PTPRE: variants seen among roughly 807,000 people sequenced by gnomAD.
PTPRE encodes protein tyrosine phosphatase receptor type E.
In PTPRE, 51 loss-of-function variants were observed where a neutral mutation model predicts 102.0. That is an observed-to-expected ratio of 0.50 (90% confidence interval 0.40 to 0.63). The LOEUF is 0.63. Among genes scored for constraint, PTPRE ranks in the 30% least tolerant of loss-of-function variants. The probability of loss-of-function intolerance (pLI) is 0.00; values close to 1 mark genes in which losing one functional copy is unlikely to be tolerated. For synonymous variants in PTPRE, 345 were observed against 348.2 expected (o/e 0.99, Z 0.10); for missense variants, 752 against 915.1 (o/e 0.82, Z 2.30).
intron 1 of PTPRE, among the ~76,000 whole-genome samples, chr10:127,961,782 C>T (rs2135390865): frequency 6.6e-6 from 1 of 152,292 alleles, no homozygotes; most frequent in African/African-American, 2.4e-5. Flanking sequence ...CCTGTCTCCC[C>T]CACAAGACTG....
intron 3 of PTPRE, 52 bp downstream of exon 3, chr10:128,041,042 T>C: frequency 6.7e-7 from 1 of 1,496,782 alleles, no homozygotes; most frequent in Non-Finnish European, 9.3e-7. Flanking sequence ...CCTAAGCTCC[T>C]GGGACCATTC....
rs1337594227 is a variant in PTPRE, at chr10:128,008,222, C to T, written c.-8+25926C>T. Among the ~76,000 whole-genome samples the T allele has an allele frequency of 1.3e-5, 2 of 152,014 alleles. No individual in the cohort carries two copies. The highest frequency in any genetic ancestry group is 2.9e-5 in the Non-Finnish European group (2 of 67,984). ...GCAGCCCCGCTGGCTCGTCCGCCCT[C>T]GCCTCCCTCCCTCCCTTTCACCCTC... On this transcript the variant is annotated intron_variant, in intron 2 of 20. Transcript: ENST00000254667. This position sits in a 1 kb window ranked among gnomAD's most constrained non-coding sequence, Gnocchi z 4.0.
At chr10:127,957,692 CCT>C (rs1849505210) in intron 1 of PTPRE, among the ~76,000 whole-genome samples, 2 of 152,250 alleles carry the variant, frequency 1.3e-5, no homozygotes, top group Non-Finnish European at 2.9e-5. Flanking sequence ...GAGTCTTTTG[CCT>C]CTCTGTATAA....
At chr10:127,954,538 G>A (rs1228444043) in intron 1 of PTPRE, among the ~76,000 whole-genome samples, 1 of 152,198 alleles carries the variant, frequency 6.6e-6, no homozygotes, top group Non-Finnish European at 1.5e-5. Flanking sequence ...CAAAGCCAAA[G>A]AAGTGCAGCA....
rs1245856434 is a variant in PTPRE, at chr10:128,008,212, C to G, written c.-8+25916C>G. On this transcript the variant is annotated intron_variant, in intron 2 of 20. Coordinates refer to ENST00000254667, the MANE Select transcript of PTPRE (RefSeq NM_006504.6). This position sits in a 1 kb window ranked among gnomAD's most constrained non-coding sequence, Gnocchi z 4.0. The stretch of plus-strand genomic sequence containing the variant: ...ATCTCTGTCTGCAGCCCCGCTGGCT[C>G]GTCCGCCCTCGCCTCCCTCCCTCCC... Among the ~76,000 whole-genome samples, 1 of 152,040 alleles carries G rather than the reference C, an allele frequency of 6.6e-6. No homozygotes were observed. Among genetic ancestry groups the G allele is most frequent in the Non-Finnish European group, 1.5e-5 (1 of 67,982 alleles).
At chr10:128,023,235 A>G (rs2135702883) in intron 2 of PTPRE, among the ~76,000 whole-genome samples, 1 of 152,256 alleles carries the variant, frequency 6.6e-6, no homozygotes, top group East Asian at 1.9e-4. Context: ...GTAGGTATAC[A>G]TGTATAGGAA....
At chr10:128,011,802 C>T (rs2135619893) in intron 2 of PTPRE, among the ~76,000 whole-genome samples, 1 of 152,340 alleles carries the variant, frequency 6.6e-6, no homozygotes, top group Admixed American at 6.5e-5. Flanking sequence ...CTGTGGGTGC[C>T]TCACACGTGC....
chr10:127,945,645 T>TGTGA (rs1206204751), intron 1 of PTPRE, among the ~76,000 whole-genome samples: 2 of 152,146 alleles, frequency 1.3e-5, no homozygotes, highest in Non-Finnish European at 2.9e-5. Context: ...CAGAGAGGCC[T>TGTGA]GTGAGTGTGA....
intron 4 of PTPRE, 98 bp from the exon 5 acceptor site, chr10:128,047,666 C>G (rs1404502338): frequency 1.2e-6 from 2 of 1,614,160 alleles, no homozygotes; most frequent in Non-Finnish European, 1.7e-6. Context: ...ACAGGAGTAG[C>G]TTTTCCCGGC....
chr10:127,914,982 G>A (rs575516512), intron 1 of PTPRE, among the ~76,000 whole-genome samples: 7 of 152,300 alleles, frequency 4.6e-5, no homozygotes, highest in Middle Eastern at 3.4e-3. Context: ...AATTCCTGGG[G>A]AGGAAATCAG....
chr10:127,952,318 CTTG>C (rs1399698209), intron 1 of PTPRE, among the ~76,000 whole-genome samples: 3 of 151,184 alleles, frequency 2.0e-5, no homozygotes, highest in South Asian at 4.2e-4. Context: ...CCAATGCCTA[CTTG>C]TTGTGCCCAC....
chr10:128,058,583 G>A (rs1040790941), intron 7 of PTPRE, among the ~76,000 whole-genome samples: 1 of 152,216 alleles, frequency 6.6e-6, no homozygotes, highest in African/African-American at 2.4e-5. Context: ...GGATCAATGG[G>A]GTGGCATCTG....
At chr10:127,963,686 GTGCA>G (rs1850009592) in intron 1 of PTPRE, among the ~76,000 whole-genome samples, 1 of 152,082 alleles carries the variant, frequency 6.6e-6, no homozygotes, top group South Asian at 2.1e-4. Context: ...GTGTGTGTGT[GTGCA>G]TGCATGCGTG....
intron 2 of PTPRE, among the ~76,000 whole-genome samples, chr10:128,027,281 G>A (rs1846353109): frequency 1.3e-5 from 2 of 152,238 alleles, no homozygotes; most frequent in South Asian, 2.1e-4. Flanking sequence ...TGAGAGGCCT[G>A]ATGGAGCCCA....
chr10:127,989,623 A>G (rs1232116747), intron 2 of PTPRE, among the ~76,000 whole-genome samples: 3 of 152,268 alleles, frequency 2.0e-5, no homozygotes, highest in East Asian at 3.8e-4. Flanking sequence ...GTCGGCTCTC[A>G]TTACCACCAC....
chr10:127,914,768 A>T (rs1846095108), intron 1 of PTPRE, among the ~76,000 whole-genome samples: 1 of 152,282 alleles, frequency 6.6e-6, no homozygotes, highest in South Asian at 2.1e-4. Flanking sequence ...GTGAGCTTTT[A>T]TCTTCCAATC....
intron 2 of PTPRE, among the ~76,000 whole-genome samples, chr10:128,037,937 C>G (rs760948515): frequency 6.6e-5 from 10 of 150,508 alleles, no homozygotes; most frequent in South Asian, 2.1e-4. Flanking sequence ...ATTACAGGTG[C>G]CTGCCACCAT....
At chr10:128,023,341 GA>G (rs1264000622) in intron 2 of PTPRE, among the ~76,000 whole-genome samples, 7 of 151,864 alleles carry the variant, frequency 4.6e-5, no homozygotes, top group Non-Finnish European at 8.8e-5. Flanking sequence ...GTATGTATAG[GA>G]AAAAAGATAG....
chr10:127,958,363 A>T (rs1012364354), intron 1 of PTPRE, among the ~76,000 whole-genome samples: 1 of 151,438 alleles, frequency 6.6e-6, no homozygotes, highest in Non-Finnish European at 1.5e-5. Context: ...ACTTGAGGAA[A>T]TTTCCTTCTA....
Sources: allele counts gnomAD v4.1 joint callset (sites outside exome capture counted in the v4.1 genomes callset), GRCh38; gene constraint gnomAD v4.1.1; non-coding constraint Gnocchi (gnomAD v3.1); transcripts MANE v1.5; gene names NCBI Gene and HGNC (gene_info 2026-07-23, HGNC 2026-07-21).